RNF175: variants seen among roughly 807,000 people sequenced by gnomAD.
RNF175 encodes the protein ring finger protein 175.
A neutral mutation model predicts 50.0 loss-of-function variants in RNF175; 38 were observed. That is an observed-to-expected ratio of 0.76 (90% CI 0.59 to 1.00). The LOEUF (loss-of-function observed/expected upper bound fraction) is 1.00, where lower values mean the gene tolerates loss of function less well. Among genes scored for constraint, RNF175 ranks in the 50% least tolerant of loss-of-function variants. The probability of loss-of-function intolerance (pLI) is 0.00; values close to 1 mark genes in which losing one functional copy is unlikely to be tolerated. For missense variants in RNF175, 388 were observed against 409.6 expected, an observed-to-expected ratio of 0.95 and a Z score of 0.46; for synonymous variants, 155 against 146.1, an observed-to-expected ratio of 1.06 and a Z score of -0.44.
At chr4:153,747,954 C>G (rs1429308841) in intron 3 of RNF175, among the ~76,000 whole-genome samples, 1 of 152,176 alleles carries the variant, frequency 6.6e-6, no homozygotes, top group East Asian at 1.9e-4. Context: ...CTTGCAAGGG[C>G]CTTCTTGCTG....
chr4:153,722,394 A>G (rs1281704224), intron 5 of RNF175, among the ~76,000 whole-genome samples: 1 of 152,138 alleles, frequency 6.6e-6, no homozygotes, highest in African/African-American at 2.4e-5. Context: ...CTCCCCATCT[A>G]TTAAACAATA....
chr4:153,725,565 A>G (rs1738650204), intron 4 of RNF175, among the ~76,000 whole-genome samples: 2 of 152,166 alleles, frequency 1.3e-5, no homozygotes, highest in Admixed American at 1.3e-4. Context: ...CTCTGTGCAA[A>G]GCGGTTTGTT....
intron 5 of RNF175, among the ~76,000 whole-genome samples, chr4:153,720,924 A>C (rs1738298680): frequency 6.6e-6 from 1 of 152,202 alleles, no homozygotes; most frequent in African/African-American, 2.4e-5. Context: ...TTTCCTAACA[A>C]GTGCTTGAGA....
At chr4:153,737,361 A>C (rs1739406077) in intron 3 of RNF175, among the ~76,000 whole-genome samples, 1 of 151,924 alleles carries the variant, frequency 6.6e-6, no homozygotes, top group Non-Finnish European at 1.5e-5. Flanking sequence ...TGTAGGCATA[A>C]ATTACTCTTC....
intron 6 of RNF175, among the ~76,000 whole-genome samples, chr4:153,719,833 G>A (rs1409547340): frequency 6.6e-6 from 1 of 152,206 alleles, no homozygotes; most frequent in African/African-American, 2.4e-5. Context: ...AGACAGAGCT[G>A]AAAGGTTTTA....
intron 4 of RNF175, among the ~76,000 whole-genome samples, chr4:153,726,926 G>T (rs911763637): frequency 6.6e-6 from 1 of 152,278 alleles, no homozygotes; most frequent in African/African-American, 2.4e-5. Context: ...GAAAGAGAGC[G>T]GACATATGCA....
chr4:153,741,339 G>A (rs1325841958), intron 3 of RNF175, among the ~76,000 whole-genome samples: 1 of 152,158 alleles, frequency 6.6e-6, no homozygotes, highest in East Asian at 1.9e-4. Flanking sequence ...CTCCCCTGCT[G>A]GAAGCATGAG....
At chr4:153,712,364 C>A (rs752357002) in intron 8 of RNF175, 111 bp downstream of exon 8, 4 of 711,694 alleles carry the variant, frequency 5.6e-6, no homozygotes, top group Non-Finnish European at 9.4e-6. Context: ...TTAGGGAAAA[C>A]AAAAAATTTT....
intron 8 of RNF175, among the ~76,000 whole-genome samples, chr4:153,711,433 C>T (rs1339716581): frequency 6.6e-6 from 1 of 152,092 alleles, no homozygotes; most frequent in East Asian, 1.9e-4. Flanking sequence ...ATGTTGCCTC[C>T]TTCTCTGATG....
At chr4:153,743,310 A>G (rs17371028) in intron 3 of RNF175, among the ~76,000 whole-genome samples, 3,598 of 152,280 alleles carry the variant, frequency 0.024, 58 homozygotes, top group Non-Finnish European at 0.035. Context: ...GGGCAAAGTC[A>G]AGGCTGCAGC....
chr4:153,723,904 C>T (rs1738507313), intron 4 of RNF175, among the ~76,000 whole-genome samples: 1 of 152,074 alleles, frequency 6.6e-6, no homozygotes, highest in African/African-American at 2.4e-5. Context: ...GTTTTTCTTC[C>T]CTCTTGTTCT....
intron 1 of RNF175, among the ~76,000 whole-genome samples, chr4:153,758,809 T>C (rs749329615): frequency 6.6e-6 from 1 of 151,628 alleles, no homozygotes; most frequent in Non-Finnish European, 1.5e-5. Flanking sequence ...TTTGGTACTG[T>C]TGTTCCCTCC....
chr4:153,714,529 T>C (rs1737785595), intron 7 of RNF175: 1 of 152,224 alleles, frequency 6.6e-6, no homozygotes, highest in African/African-American at 2.4e-5. Flanking sequence ...GGTTTAACCA[T>C]CTCATAATGC....
intron 4 of RNF175, 89 bp downstream of exon 4, chr4:153,728,118 C>A (rs1738814416): frequency 4.1e-6 from 4 of 966,910 alleles, no homozygotes; most frequent in Non-Finnish European, 5.8e-6. Flanking sequence ...AACCCCCCCA[C>A]TCCCCAACCC....
intron 4 of RNF175, among the ~76,000 whole-genome samples, chr4:153,724,740 G>A (rs1211031207): frequency 6.6e-6 from 1 of 151,946 alleles, no homozygotes; most frequent in Admixed American, 6.6e-5. Flanking sequence ...TGAACATCAT[G>A]GTTTAAATGG....
At chr4:153,748,108 G>A (rs182025944) in intron 3 of RNF175, among the ~76,000 whole-genome samples, 14 of 152,246 alleles carry the variant, frequency 9.2e-5, no homozygotes, top group African/African-American at 3.4e-4. Flanking sequence ...TGGCCAAATC[G>A]CCTCTTATTA....
intron 3 of RNF175, among the ~76,000 whole-genome samples, chr4:153,735,441 A>T (rs182165673): frequency 4.6e-5 from 7 of 152,300 alleles, no homozygotes; most frequent in Non-Finnish European, 7.3e-5. Flanking sequence ...GCTTTACAGT[A>T]AGTCTTGAAA....
rs1560802624 is a variant in RNF175 at position 153,759,850 on chromosome 4, T to C, written c.13A>G (p.Thr5Ala). 3 of 1,457,834 alleles carry C rather than the reference T, an allele frequency of 2.1e-6. No homozygotes were observed. Among genetic ancestry groups the C allele is most frequent in the Non-Finnish European group, 2.7e-6 (3 of 1,112,468 alleles). 90.3% of individuals were successfully genotyped at this position (1,457,834 alleles called of 1,614,324 possible). Residue 5 changes from threonine (T) to alanine (A), a missense_variant, in exon 1 of 9, where the codon ACG becomes GCG. By Grantham distance (58) the Thr-to-Ala change is moderately conservative (BLOSUM62 0). Coordinates refer to ENST00000347063, the MANE Select transcript of RNF175 (RefSeq NM_173662.4). MAAGTAARKAAPVLE... is the reference protein window; with the variant it reads MAAGAAARKAAPVLE... ...ACCGGCGCTGCCTTCCGCGCCGCCGTCCCCGCGGCCATGCCTGAGCCACTG... is the reference window on the plus strand; with the variant it reads ...ACCGGCGCTGCCTTCCGCGCCGCCGCCCCCGCGGCCATGCCTGAGCCACTG...
intron 3 of RNF175, chr4:153,748,408 A>G: frequency 4.8e-6 from 2 of 413,614 alleles, no homozygotes; most frequent in South Asian, 9.8e-5. Context: ...TCTATCCACC[A>G]GGTGCCAGTT....
Sources: allele counts gnomAD v4.1 joint callset (sites outside exome capture counted in the v4.1 genomes callset), GRCh38; gene constraint gnomAD v4.1.1; transcripts MANE v1.5; gene names NCBI Gene and HGNC (gene_info 2026-07-23, HGNC 2026-07-21).